KIF18B: variants seen among roughly 807,000 people sequenced by gnomAD.
The protein encoded by KIF18B is kinesin-like protein KIF18B.
In KIF18B, 49 loss-of-function variants were observed where a neutral mutation model predicts 80.9. The ratio of observed to expected loss-of-function variants is 0.61; its 90% confidence interval spans 0.48 to 0.77. The LOEUF is 0.77. Ranked by LOEUF, KIF18B falls within the 30% of genes least tolerant of loss-of-function variation. The probability of loss-of-function intolerance (pLI) is 0.00; values close to 1 mark genes in which losing one functional copy is unlikely to be tolerated. For synonymous variants in KIF18B, 439 were observed against 463.9 expected (o/e 0.95, Z 0.69); for missense variants, 994 against 1,127.7 (o/e 0.88, Z 1.70).
At position 44,932,050 on chromosome 17, in the gene KIF18B, T is replaced by C; in HGVS notation, c.1389+6A>G. ...GATACCCAGGCCTCACACCCCCAAG[T>C]CCTACCTCCTCAGCTGGGCCTTCAT... On this transcript the variant is annotated splice_donor_region_variant and intron_variant, in intron 10 of 15. Transcript: ENST00000593135. 6.2e-6 allele frequency: 10 copies of C among 1,606,304 alleles called. No individual in the cohort carries two copies. The highest frequency in any genetic ancestry group is 8.5e-6 in the Non-Finnish European group (10 of 1,174,970).
chr17:44,937,007 C>T (rs1340328354), intron 1 of KIF18B, among the ~76,000 whole-genome samples: 3 of 145,150 alleles, frequency 2.1e-5, no homozygotes, highest in Non-Finnish European at 4.7e-5. Context: ...ATCCATTTGT[C>T]TATTCTTTTT....
At position 44,934,561 on chromosome 17, in the gene KIF18B, C is replaced by T. The variant is rs375536011; in HGVS notation, c.633G>A (p.Thr211=). 1.8e-5 allele frequency: 29 copies of T among 1,612,752 alleles called. No individual in the cohort carries two copies. The highest frequency in any genetic ancestry group is 5.5e-5 in the South Asian group (5 of 90,848). Residue 211 remains threonine (T), a synonymous_variant, in exon 5 of 16, where the codon ACG becomes ACA. Coordinates refer to ENST00000593135, the MANE Select transcript of KIF18B (RefSeq NM_001265577.2). This position sits in a 1 kb window ranked among gnomAD's most constrained non-coding sequence, Gnocchi z 5.4. ...TCGCGTTGGCATCAGTGGGGTGCTG[C>T]GTGCGGTTACGGTTCCCCCTGGTCA... ...EILTRGNRNR[T]QHPTDANATS...
intron 1 of KIF18B, among the ~76,000 whole-genome samples, chr17:44,938,247 C>T (rs1453238500): frequency 6.6e-6 from 1 of 152,184 alleles, no homozygotes; most frequent in Non-Finnish European, 1.5e-5. Context: ...AACTCCTGAC[C>T]TCAGGTGATC....
intron 1 of KIF18B, among the ~76,000 whole-genome samples, chr17:44,941,341 T>G (rs903719636): frequency 1.4e-5 from 1 of 70,684 alleles, no homozygotes; most frequent in South Asian, 4.2e-4. Flanking sequence ...TTTCTTTTTC[T>G]TTTTTTTTTT....
chr17:44,929,915 A>C (rs1042609226), intron 11 of KIF18B, among the ~76,000 whole-genome samples: 1 of 152,218 alleles, frequency 6.6e-6, no homozygotes, highest in Non-Finnish European at 1.5e-5. Context: ...AGATTCTAAT[A>C]AAGCATATTT....
In KIF18B at chr17:44,927,895, C is replaced by T; in HGVS notation, c.2276+131G>A. On this transcript the variant is annotated intron_variant, in intron 13 of 15. Coordinates refer to ENST00000593135, the MANE Select transcript of KIF18B (RefSeq NM_001265577.2). This position sits in a 1 kb window ranked among gnomAD's most constrained non-coding sequence, Gnocchi z 4.1. ...TGGGCCTGGGGAGCAAAGCGGATCA[C>T]AACCAAAGTGGAACAGATAGGAACC... 1 of 846,658 alleles carries T rather than the reference C, an allele frequency of 1.2e-6. No individual in the cohort carries two copies. Among genetic ancestry groups the T allele is most frequent in the Non-Finnish European group, 1.7e-6 (1 of 594,264 alleles). The allele number at this position is 846,658 out of a possible 1,614,324, so 52.4% of individuals were successfully genotyped here.
rs373375297 is a variant in KIF18B, at chr17:44,933,914, G to C, written c.1062+9C>G. ...CCCCACGCCCAAGCCGGCCCTGGCT[G>C]GCACGCACCGAGAGCCTGATCTCCT... On this transcript the variant is annotated intron_variant, in intron 7 of 15. Coordinates refer to ENST00000593135, the MANE Select transcript of KIF18B (RefSeq NM_001265577.2). 610 of 1,551,374 alleles carry C rather than the reference G, an allele frequency of 3.9e-4. 4 individuals carry two copies. Among genetic ancestry groups the C allele is most frequent in the Middle Eastern group, 1.7e-4 (1 of 5,858 alleles).
chr17:44,943,214 C>T (rs2052451026), intron 1 of KIF18B, among the ~76,000 whole-genome samples: 1 of 152,172 alleles, frequency 6.6e-6, no homozygotes, highest in African/African-American at 2.4e-5. Context: ...ATTCTCCTGC[C>T]TCAGCCTCCC....
At chr17:44,938,819 C>T (rs968012871) in intron 1 of KIF18B, among the ~76,000 whole-genome samples, 13 of 151,734 alleles carry the variant, frequency 8.6e-5, no homozygotes, top group African/African-American at 1.5e-4. Context: ...CCAAGGTGGG[C>T]GGATCATCTG....
intron 1 of KIF18B, among the ~76,000 whole-genome samples, chr17:44,946,060 CAAA>C (rs57457345): frequency 7.5e-6 from 1 of 132,756 alleles, no homozygotes; most frequent in African/African-American, 2.6e-5. Context: ...TCTCTACTTC[CAAA>C]AAAAAAAAAA....
At chr17:44,941,236 G>T (rs911431023) in intron 1 of KIF18B, among the ~76,000 whole-genome samples, 1 of 151,894 alleles carries the variant, frequency 6.6e-6, no homozygotes, top group Non-Finnish European at 1.5e-5. Context: ...TCACATCATT[G>T]TAATAGTCCC....
Position 44,928,162 on chromosome 17 carries a change from C to A in KIF18B, c.2140G>T (p.Ala714Ser), listed in dbSNP as rs1387762244. ...SAMQNCSTPL[A>S]LPTRDLNATF... ...GCATTGAGGTCTCGAGTGGGCAGAG[C>A]CAGCGGGGTGGAGCAGTTCTGCATG... The change falls in exon 13 of 16, where the codon GCT (alanine) becomes TCT (serine). Residue 714 changes from alanine (A) to serine (S), a missense_variant. Coordinates refer to ENST00000593135, the MANE Select transcript of KIF18B (RefSeq NM_001265577.2). The A allele has an allele frequency of 6.2e-7, 1 of 1,609,444 alleles. No individual in the cohort carries two copies.
At chr17:44,943,605 C>T (rs948349707) in intron 1 of KIF18B, among the ~76,000 whole-genome samples, 4 of 152,154 alleles carry the variant, frequency 2.6e-5, no homozygotes, top group African/African-American at 7.2e-5. Flanking sequence ...CTATTTCACA[C>T]TTTGTTGGTT....
intron 11 of KIF18B, among the ~76,000 whole-genome samples, chr17:44,930,208 C>T (rs1310531211): frequency 6.6e-6 from 1 of 152,192 alleles, no homozygotes; most frequent in East Asian, 1.9e-4. Context: ...TAGACAATTG[C>T]GAAGCATGGG....
intron 1 of KIF18B, among the ~76,000 whole-genome samples, chr17:44,943,448 C>T (rs1395767958): frequency 6.6e-6 from 1 of 151,892 alleles, no homozygotes; most frequent in African/African-American, 2.4e-5. Context: ...TTGATGATAG[C>T]GTTGTTAGTT....
chr17:44,945,526 T>C (rs2052493867), intron 1 of KIF18B, among the ~76,000 whole-genome samples: 1 of 152,252 alleles, frequency 6.6e-6, no homozygotes, highest in Non-Finnish European at 1.5e-5. Context: ...ACAAGTTTTA[T>C]AAATAGTATT....
Position 44,926,084 on chromosome 17 carries a change from G to C in KIF18B, c.2555C>G (p.Ser852Cys). The C allele has an allele frequency of 6.2e-7, 1 of 1,613,920 alleles. No homozygotes were observed. Residue 852 changes from serine to cysteine, a missense_variant, in exon 16 of 16, where the codon TCC (serine) becomes TGC (cysteine). Coordinates refer to ENST00000593135, the MANE Select transcript of KIF18B (RefSeq NM_001265577.2). ...GTGGTCAGGACATTCTGGCGGTCAG[G>C]ACACCTTGGTGACGCCGTTCCCTGC... Reference protein sequence around the residue: ...LSAGNGVTKVS With the variant: ...LSAGNGVTKVC
chr17:44,930,764 TAGG>T (rs1567789142), intron 11 of KIF18B, among the ~76,000 whole-genome samples: 1 of 152,108 alleles, frequency 6.6e-6, no homozygotes, highest in East Asian at 1.9e-4. Flanking sequence ...GGGTCATCGG[TAGG>T]AGCTCATGGT....
rs781360480 is a variant in KIF18B at position 44,934,397 on chromosome 17, G to T, written c.721C>A (p.Leu241Met). The T allele has an allele frequency of 5.0e-6, 8 of 1,606,664 alleles. No individual in the cohort carries two copies. The South Asian group carries it at 7.8e-5, about 16-fold the overall frequency. Residue 241 changes from leucine to methionine, a missense_variant, in exon 6 of 16, where the codon CTG becomes ATG. Transcript: ENST00000593135. The surrounding 1 kb of genome is among the most constrained non-coding windows in gnomAD (Gnocchi z 5.4). ...TTGGCCACCTGGACAGCCTGGGTCA[G>T]TCCTGGAACCCGGTCCTGCTGCTTC... ...FVKQQDRVPG[L>M]TQAVQVAKMS...
Sources: gnomAD v4.1 joint callset for allele counts (sites outside exome capture counted in the v4.1 genomes callset) on GRCh38, gnomAD v4.1.1 for gene constraint, Gnocchi (gnomAD v3.1) non-coding constraint, MANE v1.5 for transcripts, NCBI Gene and HGNC (gene_info 2026-07-23, HGNC 2026-07-21) for gene names.